The following SPATA13 variants were observed in gnomAD, a reference collection of about 807,000 sequenced individuals.
The protein encoded by SPATA13 is spermatogenesis associated 13, also known as spermatogenesis-associated protein 13.
Under a neutral mutation model 104.0 loss-of-function variants are expected in SPATA13, and 50 were observed. That is an observed-to-expected ratio of 0.48 (90% confidence interval 0.38 to 0.61). The LOEUF is 0.61. SPATA13 is among the 20% of genes least tolerant of loss of function. The pLI, the probability that SPATA13 is intolerant of heterozygous loss-of-function variation, is 0.00. For synonymous variants in SPATA13, 606 were observed against 667.5 expected (o/e 0.91, Z 1.42); for missense variants, 1,524 against 1,690.6 (o/e 0.90, Z 1.73).
chr13:24,145,995 G>A (rs561788255), intron 3 of SPATA13, among the ~76,000 whole-genome samples: 9 of 152,326 alleles, frequency 5.9e-5, no homozygotes, highest in African/African-American at 2.2e-4. Context: ...GCAGCTGAAT[G>A]TGGTGAGGAG....
intron 2 of SPATA13, among the ~76,000 whole-genome samples, chr13:24,247,625 G>A (rs1873220233): frequency 1.3e-5 from 2 of 151,920 alleles, no homozygotes; most frequent in Admixed American, 1.3e-4. Context: ...TGGGATTACA[G>A]GCACCTGTCA....
At chr13:24,084,319 G>A (rs1288268894) in intron 3 of SPATA13, among the ~76,000 whole-genome samples, 2 of 152,216 alleles carry the variant, frequency 1.3e-5, no homozygotes, top group Non-Finnish European at 2.9e-5. Flanking sequence ...TGCTTCTTTT[G>A]AGAAAGGAAG....
intron 3 of SPATA13, among the ~76,000 whole-genome samples, chr13:24,042,774 G>A (rs1357482572): frequency 6.6e-6 from 1 of 152,212 alleles, no homozygotes; most frequent in Non-Finnish European, 1.5e-5. Context: ...TTGGTCAGCG[G>A]TGGAGCCCAA....
chr13:24,214,692 C>G (rs1285289595), intron 1 of SPATA13, among the ~76,000 whole-genome samples: 2 of 152,196 alleles, frequency 1.3e-5, no homozygotes, highest in African/African-American at 4.8e-5. Context: ...ACTGGGTTCC[C>G]TGCATCTGTG....
intron 3 of SPATA13, among the ~76,000 whole-genome samples, chr13:24,040,881 G>T (rs1183514065): frequency 6.6e-6 from 1 of 152,138 alleles, no homozygotes; most frequent in Non-Finnish European, 1.5e-5. Flanking sequence ...AGCAGCTTTT[G>T]CTCAGGTTAG....
At chr13:24,168,979 T>C (rs557848069) in intron 1 of SPATA13, among the ~76,000 whole-genome samples, 1 of 152,366 alleles carries the variant, frequency 6.6e-6, no homozygotes, top group African/African-American at 2.4e-5. Flanking sequence ...TTTTCTTTTC[T>C]TCTTTTTTAG....
At chr13:24,183,919 T>A (rs953961791) in intron 1 of SPATA13, among the ~76,000 whole-genome samples, 3 of 152,012 alleles carry the variant, frequency 2.0e-5, no homozygotes, top group South Asian at 4.1e-4. Context: ...TCACATGGTG[T>A]TTTCCATGTA....
intron 1 of SPATA13, among the ~76,000 whole-genome samples, chr13:24,202,713 T>C (rs1289242713): frequency 6.6e-6 from 1 of 152,042 alleles, no homozygotes; most frequent in East Asian, 1.9e-4. Context: ...ATTAGATAGT[T>C]TTTTTCTTTT....
At chr13:24,058,538 T>G (rs17429818) in intron 3 of SPATA13, among the ~76,000 whole-genome samples, 1 of 151,800 alleles carries the variant, frequency 6.6e-6, no homozygotes, top group East Asian at 1.9e-4. Context: ...ACACATTACT[T>G]AGAATAATTG....
intron 1 of SPATA13, among the ~76,000 whole-genome samples, chr13:24,179,816 GA>G (rs1868687537): frequency 6.6e-6 from 1 of 152,172 alleles, no homozygotes; most frequent in Admixed American, 6.5e-5. Context: ...TATCTTCAAA[GA>G]AATGCCTCTT....
In SPATA13 at chr13:24,286,257, A is replaced by C; in HGVS notation, c.2345A>C (p.Asp782Ala). 1.9e-6 allele frequency: 3 copies of C among 1,613,982 alleles called. No individual in the cohort carries two copies. The highest frequency in any genetic ancestry group is 2.5e-6 in the Non-Finnish European group (3 of 1,180,006). ...GTGGTCTGCGCAGAAGCCCTGTGGG[A>C]CCATGTGACCATGGATGACCAGGAA... ...GNVVCAEALWDHVTMDDQELG... is the reference protein window; with the variant it reads ...GNVVCAEALWAHVTMDDQELG... Residue 782 changes from aspartate to alanine, a missense_variant, in exon 6 of 13, where the codon GAC (aspartate) becomes GCC (alanine). Coordinates refer to ENST00000382108, the MANE Select transcript of SPATA13 (RefSeq NM_001166271.3). The surrounding 1 kb of genome is among the most constrained non-coding windows in gnomAD (Gnocchi z 4.9).
chr13:24,170,467 T>A (rs1440474204), intron 1 of SPATA13, among the ~76,000 whole-genome samples: 2 of 152,232 alleles, frequency 1.3e-5, no homozygotes, highest in Non-Finnish European at 2.9e-5. Context: ...CATTCTGGGA[T>A]GAGGAATCTC....
chr13:24,254,029 G>C (rs561571880), intron 4 of SPATA13, among the ~76,000 whole-genome samples: 6 of 151,294 alleles, frequency 4.0e-5, no homozygotes, highest in East Asian at 1.9e-4. Flanking sequence ...GGCAGTTTGT[G>C]GGGGGAAAGG....
chr13:24,117,168 T>G (rs946986324), intron 3 of SPATA13, among the ~76,000 whole-genome samples: 1 of 152,250 alleles, frequency 6.6e-6, no homozygotes, highest in Admixed American at 6.5e-5. Context: ...AGAGATTTGC[T>G]GCTCTATAAC....
chr13:24,197,452 TG>T (rs1476998393), intron 1 of SPATA13, among the ~76,000 whole-genome samples: 2 of 152,196 alleles, frequency 1.3e-5, no homozygotes, highest in East Asian at 3.8e-4. Flanking sequence ...AGCAGGATGT[TG>T]CCACTGACTT....
chr13:24,297,844 C>A, intron 11 of SPATA13, 109 bp downstream of exon 11: 1 of 1,331,456 alleles, frequency 7.5e-7, no homozygotes, highest in Non-Finnish European at 1.0e-6. Context: ...AGAGCTGAAT[C>A]CCACCATGGG....
intron 3 of SPATA13, among the ~76,000 whole-genome samples, chr13:24,138,266 A>G (rs7991134): frequency 0.79 from 119,792 of 151,214 alleles, 47,701 homozygotes; most frequent in East Asian, 0.91. Flanking sequence ...GGGATGCACC[A>G]TTCCAGTCCA....
At chr13:24,063,942 C>T (rs574013677) in intron 3 of SPATA13, among the ~76,000 whole-genome samples, 13 of 152,294 alleles carry the variant, frequency 8.5e-5, no homozygotes, top group African/African-American at 3.1e-4. Context: ...CTGCCTGCCT[C>T]CTTTCTGAGG....
At chr13:23,979,923 A>G (rs1874796433) in exon 1 of SPATA13, 1 of 152,292 alleles carries the variant, frequency 6.6e-6, no homozygotes. Flanking sequence ...ATGCTGAGAC[A>G]GGCAAGTGGG....
Sources: gnomAD v4.1 joint callset for allele counts (sites outside exome capture counted in the v4.1 genomes callset) on GRCh38, gnomAD v4.1.1 for gene constraint, Gnocchi (gnomAD v3.1) non-coding constraint, MANE v1.5 for transcripts, NCBI Gene and HGNC (gene_info 2026-07-23, HGNC 2026-07-21) for gene names.